MKX: variants seen among roughly 807,000 people sequenced by gnomAD.
MKX encodes the protein homeobox protein Mohawk.
MKX carries 13 observed loss-of-function variants against 36.0 expected under a neutral mutation model. The ratio of observed to expected loss-of-function variants is 0.36; its 90% CI spans 0.24 to 0.57. The LOEUF (loss-of-function observed/expected upper bound fraction) is 0.57, where lower values mean the gene tolerates loss of function less well. Ranked by LOEUF, MKX falls within the 20% of genes least tolerant of loss-of-function variation. MKX has a pLI of 0.79. For synonymous variants in MKX, 176 were observed against 178.3 expected (o/e 0.99, Z 0.10); for missense variants, 458 against 456.4 (o/e 1.00, Z -0.03).
chr10:27,688,957 G>A (rs2815559), intron 5 of MKX, among the ~76,000 whole-genome samples: 106,843 of 152,080 alleles, frequency 0.7, 38,940 homozygotes, highest in Non-Finnish European at 0.81. Flanking sequence ...GGAAAAAAAT[G>A]TGCATTCATG....
chr10:27,693,805 C>G (rs555564465), intron 5 of MKX, among the ~76,000 whole-genome samples: 2 of 152,246 alleles, frequency 1.3e-5, no homozygotes, highest in South Asian at 4.2e-4. Context: ...TTTGTTATAT[C>G]TTTTGATGAC....
chr10:27,701,423 G>T (rs1028947339), intron 5 of MKX, among the ~76,000 whole-genome samples: 5 of 144,070 alleles, frequency 3.5e-5, no homozygotes, highest in Non-Finnish European at 7.5e-5. Context: ...TTTTACTATA[G>T]ATAATATATA....
In MKX at chr10:27,744,615, G is replaced by A. The variant is rs1835006307; in HGVS notation, c.-83+1092C>T. ...CGCCTCGCGCCTCGGGACAGCTCCC[G>A]TTTCCTCCGAGCGGCCTCAGCTTCG... On this transcript the variant is annotated intron_variant, in intron 1 of 6. Coordinates refer to ENST00000419761, the MANE Select transcript of MKX (RefSeq NM_173576.3). This position sits in a 1 kb window ranked among gnomAD's most constrained non-coding sequence, Gnocchi z 5.6. Among the ~76,000 whole-genome samples the A allele has an allele frequency of 6.6e-6, 1 of 152,070 alleles. No individual in the cohort carries two copies. The highest frequency in any genetic ancestry group is 2.4e-5 in the African/African-American group (1 of 41,412).
intron 5 of MKX, among the ~76,000 whole-genome samples, chr10:27,681,285 A>G (rs1836249793): frequency 6.6e-6 from 1 of 151,778 alleles, no homozygotes; most frequent in South Asian, 2.1e-4. Flanking sequence ...TGTCTCTACT[A>G]AAAAATACAA....
At chr10:27,714,147 C>T (rs908764848) in intron 5 of MKX, among the ~76,000 whole-genome samples, 6 of 152,104 alleles carry the variant, frequency 3.9e-5, no homozygotes, top group Non-Finnish European at 5.9e-5. Context: ...AGCAACCAGG[C>T]TCGCTGGTAC....
intron 5 of MKX, among the ~76,000 whole-genome samples, chr10:27,731,916 A>C (rs1157092211): frequency 6.6e-6 from 1 of 152,226 alleles, no homozygotes; most frequent in African/African-American, 2.4e-5. Context: ...GGCAATGTTA[A>C]AAATTTTATA....
chr10:27,719,686 G>A (rs1378644568), intron 5 of MKX, among the ~76,000 whole-genome samples: 2 of 152,032 alleles, frequency 1.3e-5, no homozygotes, highest in Non-Finnish European at 2.9e-5. Flanking sequence ...ACTGCAGTAG[G>A]AAAATTGATT....
chr10:27,742,310 A>G lies in MKX; in HGVS notation c.189-806T>C, dbSNP rs1834917592. On this transcript the variant is annotated intron_variant, in intron 2 of 6. Coordinates refer to ENST00000419761, the MANE Select transcript of MKX (RefSeq NM_173576.3). This position sits in a 1 kb window ranked among gnomAD's most constrained non-coding sequence, Gnocchi z 4.2. ...CCGGGAGGTGTCGCGCGCGGCCGCCAGCGAGCCCAGCCGCTCCCCGAGGCT... is the reference window on the plus strand; with the variant it reads ...CCGGGAGGTGTCGCGCGCGGCCGCCGGCGAGCCCAGCCGCTCCCCGAGGCT... Among the ~76,000 whole-genome samples the G allele has an allele frequency of 6.6e-6, 1 of 152,160 alleles. No individual in the cohort carries two copies. The highest frequency in any genetic ancestry group is 2.1e-4 in the South Asian group (1 of 4,832).
chr10:27,705,195 A>G (rs1271241519), intron 5 of MKX, among the ~76,000 whole-genome samples: 1 of 152,192 alleles, frequency 6.6e-6, no homozygotes, highest in Non-Finnish European at 1.5e-5. Flanking sequence ...GAGTGCAAAC[A>G]GATTCCGGGC....
chr10:27,673,597 C>T lies in MKX; in HGVS notation c.*1632G>A, dbSNP rs192065771. 1.4e-4 allele frequency: 22 copies of T among 152,458 alleles called. No individual in the cohort carries two copies. In the East Asian group the frequency reaches 2.1e-3, roughly 15 times the overall value. 9.4% of individuals were successfully genotyped at this position (152,458 alleles called of 1,614,324 possible). A position where few individuals can be genotyped will look rare whatever the true frequency, so the allele number is the denominator to read the frequency against. On this transcript the variant is annotated 3_prime_UTR_variant, in exon 7 of 7. Transcript: ENST00000419761. ...GTCATAACTTATATATTTTGCTTTG[C>T]GCTTACTGTTACTGCAAACAGCAAT...
chr10:27,719,833 T>A (rs963353242), intron 5 of MKX, among the ~76,000 whole-genome samples: 1 of 151,532 alleles, frequency 6.6e-6, no homozygotes, highest in Non-Finnish European at 1.5e-5. Flanking sequence ...AAAAAAAATT[T>A]TAAAATTAGC....
rs191884075 is a variant in MKX, at chr10:27,731,445, G to A, written c.838+3011C>T. The stretch of plus-strand genomic sequence containing the variant: ...TATACATGCCTGGTAACCCAGCTAC[G>A]ATTGCAGCAACACTGTCACTCAATT... On this transcript the variant is annotated intron_variant, in intron 5 of 6. Transcript: ENST00000419761. 8.9e-4 allele frequency among the ~76,000 whole-genome samples: 136 copies of A among 152,138 alleles called. 1 individual carries two copies. The highest frequency in any genetic ancestry group is 7.3e-3 in the South Asian group (35 of 4,808).
intron 5 of MKX, among the ~76,000 whole-genome samples, chr10:27,719,363 T>A (rs1398047877): frequency 6.6e-6 from 1 of 152,050 alleles, no homozygotes; most frequent in Non-Finnish European, 1.5e-5. Context: ...ACCAGGGGAA[T>A]CAAGAAAATT....
rs899786088 is a variant in MKX, at chr10:27,672,954, T to G, written c.*2275A>C. On this transcript the variant is annotated 3_prime_UTR_variant, in exon 7 of 7. Transcript: ENST00000419761. Reference sequence around the variant, plus strand: ...TTAATTTTATTAAAATGATTACATATGGCAAAACAAAGAATAGAGGTAATT... The same window carrying G: ...TTAATTTTATTAAAATGATTACATAGGGCAAAACAAAGAATAGAGGTAATT... 1 of 152,222 alleles carries G rather than the reference T, an allele frequency of 6.6e-6. No homozygotes were observed. Among genetic ancestry groups the G allele is most frequent in the Admixed American group, 6.6e-5 (1 of 15,266 alleles). The allele number at this position is 152,222 out of a possible 1,614,324, so 9.4% of individuals were successfully genotyped here. A position where few individuals can be genotyped will look rare whatever the true frequency, so the allele number is the denominator to read the frequency against.
At chr10:27,736,455 A>C (rs1301054284) in intron 3 of MKX, among the ~76,000 whole-genome samples, 2 of 152,174 alleles carry the variant, frequency 1.3e-5, no homozygotes, top group East Asian at 3.8e-4. Flanking sequence ...TCATCAGTGC[A>C]TAGATTTTTA....
intron 5 of MKX, among the ~76,000 whole-genome samples, chr10:27,676,482 ATTC>A (rs1836153526): frequency 6.6e-6 from 1 of 150,960 alleles, no homozygotes; most frequent in Non-Finnish European, 1.5e-5. Context: ...GGTTCAAGCA[ATTC>A]TTCTGCCTCA....
At chr10:27,723,304 A>C (rs932096611) in intron 5 of MKX, among the ~76,000 whole-genome samples, 7 of 152,198 alleles carry the variant, frequency 4.6e-5, no homozygotes, top group South Asian at 2.1e-4. Context: ...AAATGAACCC[A>C]GGAGACACCG....
At position 27,734,585 on chromosome 10, in the gene MKX, T is replaced by G; in HGVS notation, c.709A>C (p.Thr237Pro). The change falls in exon 5 of 7, where the codon ACG becomes CCG. Residue 237 changes from threonine (T) to proline (P), a missense_variant. Physicochemically the swap from Thr to Pro is conservative, Grantham distance 38. Transcript: ENST00000419761. ...LNDSLRHVMA[T>P]NTTMMGKTRQ... ...GTTTTTCCCATCATGGTAGTGTTCG[T>G]GGCCATGACATGTCTCAAAGAGTCA... is the stretch of plus-strand genomic sequence containing the variant. 1.2e-6 allele frequency: 2 copies of G among 1,614,200 alleles called. No individual in the cohort carries two copies. Among genetic ancestry groups the G allele is most frequent in the Non-Finnish European group, 1.7e-6 (2 of 1,180,026 alleles).
At chr10:27,691,800 T>C (rs1158182087) in intron 5 of MKX, among the ~76,000 whole-genome samples, 3 of 152,146 alleles carry the variant, frequency 2.0e-5, no homozygotes, top group Admixed American at 6.5e-5. Context: ...TGAGAACATG[T>C]GGTATTTGAT....
Sources: gnomAD v4.1 joint callset for allele counts (sites outside exome capture counted in the v4.1 genomes callset) on GRCh38, gnomAD v4.1.1 for gene constraint, Gnocchi (gnomAD v3.1) non-coding constraint, MANE v1.5 for transcripts, NCBI Gene and HGNC (gene_info 2026-07-23, HGNC 2026-07-21) for gene names.